The following FBXL3 variants were observed in gnomAD, a reference collection of about 807,000 sequenced individuals.
The protein encoded by FBXL3 is F-box and leucine rich repeat protein 3.
In FBXL3, 14 loss-of-function variants were observed where a neutral mutation model predicts 37.9. The observed-to-expected ratio is 0.37, with a 90% confidence interval of 0.24 to 0.58. The LOEUF (loss-of-function observed/expected upper bound fraction) is 0.58. Among genes scored for constraint, FBXL3 ranks in the 20% least tolerant of loss-of-function variants. The pLI, the probability that FBXL3 is intolerant of heterozygous loss-of-function variation, is 0.74. For missense variants in FBXL3, 327 were observed against 511.1 expected (o/e 0.64, Z 3.47); for synonymous variants, 194 against 180.1 (o/e 1.08, Z -0.62).
chr13:77,024,148 T>C (rs2034797582), intron 1 of FBXL3, among the ~76,000 whole-genome samples: 1 of 152,196 alleles, frequency 6.6e-6, no homozygotes, highest in Non-Finnish European at 1.5e-5. Flanking sequence ...TAGAGAAAAG[T>C]GTATAGTCTA....
intron 1 of FBXL3, chr13:77,026,053 G>C: frequency 2.3e-6 from 1 of 441,172 alleles, no homozygotes; most frequent in Non-Finnish European, 3.0e-6. Context: ...ATATTTCAGA[G>C]ATAACAGAAA....
intron 4 of FBXL3, 97 bp from the exon 5 acceptor site, chr13:77,007,885 C>A: frequency 5.3e-6 from 5 of 943,174 alleles, no homozygotes; most frequent in Non-Finnish European, 7.8e-6. Context: ...TGTCACAGTT[C>A]CCTTACCACA....
intron 4 of FBXL3, among the ~76,000 whole-genome samples, chr13:77,011,333 G>A (rs1808656774): frequency 8.4e-6 from 1 of 118,568 alleles, no homozygotes; most frequent in South Asian, 2.5e-4. Flanking sequence ...ACAAGAAGGA[G>A]ACTTTGTCTC....
intron 2 of FBXL3, among the ~76,000 whole-genome samples, chr13:77,021,101 T>G (rs1403731457): frequency 6.6e-6 from 1 of 152,234 alleles, no homozygotes; most frequent in African/African-American, 2.4e-5. Flanking sequence ...TTCCTTTTCA[T>G]CTGAAGATCC....
intron 4 of FBXL3, chr13:77,013,500 C>T (rs558742315): frequency 6.6e-6 from 1 of 151,994 alleles, no homozygotes; most frequent in Admixed American, 6.5e-5. Flanking sequence ...TTTTGCAAAC[C>T]CTGCACTAGA....
intron 4 of FBXL3, among the ~76,000 whole-genome samples, chr13:77,012,063 CAG>C (rs2034564524): frequency 6.6e-6 from 1 of 152,108 alleles, no homozygotes; most frequent in Admixed American, 6.6e-5. Flanking sequence ...TCTACAGAGA[CAG>C]AAAATAGATT....
intron 4 of FBXL3, chr13:77,015,127 T>G: frequency 4.7e-6 from 1 of 211,022 alleles, no homozygotes. Flanking sequence ...ATGGAGCACC[T>G]CAGGCTGACC....
chr13:77,025,994 C>G (rs1268958794), intron 1 of FBXL3, among the ~76,000 whole-genome samples: 2 of 151,448 alleles, frequency 1.3e-5, no homozygotes, highest in Non-Finnish European at 2.9e-5. Flanking sequence ...AATCTGTCTA[C>G]AGGTCATATA....
At position 77,005,424 on chromosome 13, in the gene FBXL3, TTAG is replaced by T. The variant is rs1245476468; in HGVS notation, c.*1718_*1720del. 2.0e-5 allele frequency: 3 copies of T among 152,612 alleles called. No homozygotes were observed. The highest frequency in any genetic ancestry group is 2.9e-5 in the Non-Finnish European group (2 of 67,990). The allele number at this position is 152,612 out of a possible 1,614,324, so 9.5% of individuals were successfully genotyped here. ...GTAAATTTCCAAATACAAGCTTTGG[TTAG>T]TAGAACTGATTATGTACTGTCAAAT... On this transcript the variant is annotated 3_prime_UTR_variant, in exon 5 of 5. Transcript: ENST00000355619.
chr13:77,013,545 G>C (rs1325817669), intron 4 of FBXL3: 2 of 152,008 alleles, frequency 1.3e-5, no homozygotes, highest in East Asian at 3.8e-4. Context: ...TGGTAATCTG[G>C]GCCAACTGGT....
Position 77,018,539 on chromosome 13 carries a change from A to C in FBXL3, c.471+61T>G. The C allele has an allele frequency of 3.5e-6, 5 of 1,414,080 alleles. No individual in the cohort carries two copies. The East Asian group carries it at 1.2e-4, about 34-fold the overall frequency. 87.6% of individuals were successfully genotyped at this position (1,414,080 alleles called of 1,614,324 possible). Reference sequence around the variant, plus strand: ...ATACTCACACTGTCAATACAAAAAAAAAAGATTAGACTTTCACTGAATTTC... The same window carrying C: ...ATACTCACACTGTCAATACAAAAAACAAAGATTAGACTTTCACTGAATTTC... On this transcript the variant is annotated intron_variant, in intron 3 of 4. Transcript: ENST00000355619.
At chr13:77,007,899 C>G (rs963344816) in intron 4 of FBXL3, 111 bp from the exon 5 acceptor site, 10 of 794,498 alleles carry the variant, frequency 1.3e-5, no homozygotes, top group Admixed American at 3.1e-5. Context: ...TACCACAAAA[C>G]TATATAATTT....
chr13:77,023,458 G>A (rs965077897), intron 1 of FBXL3, among the ~76,000 whole-genome samples: 3 of 152,136 alleles, frequency 2.0e-5, no homozygotes, highest in African/African-American at 7.2e-5. Flanking sequence ...ACCAACAGTA[G>A]ACGGCAGATT....
In FBXL3 at chr13:77,019,313, G is replaced by A. The variant is rs572595026; in HGVS notation, c.349-591C>T. On this transcript the variant is annotated intron_variant, in intron 2 of 4. Transcript: ENST00000355619. ...TGTAGCTATTCTCACACATACTTCT[G>A]CAAAGACATTTCCTAAGGGAAGGAT... Among the ~76,000 whole-genome samples the A allele has an allele frequency of 6.6e-5, 10 of 152,156 alleles. No individual in the cohort carries two copies. In the East Asian group the frequency reaches 1.5e-3, roughly 24 times the overall value.
chr13:77,016,320 T>A (rs1328184067), intron 3 of FBXL3: 1 of 152,210 alleles, frequency 6.6e-6, no homozygotes, highest in African/African-American at 2.4e-5. Flanking sequence ...CAAACAGGAA[T>A]TAAAGCATTC....
chr13:77,021,904 G>T, intron 1 of FBXL3, 43 bp from the exon 2 acceptor site: 1 of 1,468,362 alleles, frequency 6.8e-7, no homozygotes, highest in South Asian at 1.3e-5. Flanking sequence ...CTCAACTTTT[G>T]AATAGAAATA....
At chr13:77,022,537 T>A (rs534529071) in intron 1 of FBXL3, among the ~76,000 whole-genome samples, 127 of 152,314 alleles carry the variant, frequency 8.3e-4, no homozygotes, top group Admixed American at 1.6e-3. Context: ...TGATCTGAGG[T>A]GGAACAGTTT....
intron 1 of FBXL3, among the ~76,000 whole-genome samples, chr13:77,024,138 T>C (rs960897278): frequency 4.6e-5 from 7 of 152,220 alleles, no homozygotes; most frequent in African/African-American, 1.7e-4. Flanking sequence ...TTAATAAGTT[T>C]AGAGAAAAGT....
rs1163191786 is a variant in FBXL3 at position 77,005,323 on chromosome 13, CAAAT to C, written c.*1818_*1821del. 5 of 152,600 alleles carry C rather than the reference CAAAT, an allele frequency of 3.3e-5. No individual in the cohort carries two copies. In the South Asian group the frequency reaches 6.2e-4, roughly 19 times the overall value. The allele number at this position is 152,600 out of a possible 1,614,324, so 9.5% of individuals were successfully genotyped here. On this transcript the variant is annotated 3_prime_UTR_variant, in exon 5 of 5. Coordinates refer to ENST00000355619, the MANE Select transcript of FBXL3 (RefSeq NM_012158.4). ...TTTAACATATACTTTACAGTATAAACAAATTAAGTACTATGCATTTTGCTTATAA... is the reference window on the plus strand; with the variant it reads ...TTTAACATATACTTTACAGTATAAACTAAGTACTATGCATTTTGCTTATAA...
Sources: gnomAD v4.1 joint callset for allele counts (sites outside exome capture counted in the v4.1 genomes callset) on GRCh38, gnomAD v4.1.1 for gene constraint, MANE v1.5 for transcripts, NCBI Gene and HGNC (gene_info 2026-07-23, HGNC 2026-07-21) for gene names.